The following WARS2 variants were observed in gnomAD, a reference collection of about 807,000 sequenced individuals.
The protein encoded by WARS2 is tryptophan--tRNA ligase, mitochondrial.
In WARS2, 28 loss-of-function variants were observed where a neutral mutation model predicts 36.5. The observed-to-expected ratio is 0.77, with a 90% CI of 0.57 to 1.05. The LOEUF (loss-of-function observed/expected upper bound fraction) is 1.05. Ranked by LOEUF, WARS2 falls within the 50% of genes least tolerant of loss-of-function variation. The probability of loss-of-function intolerance (pLI) is 0.00; values close to 1 mark genes in which losing one functional copy is unlikely to be tolerated. For synonymous variants in WARS2, 174 were observed against 178.4 expected, an observed-to-expected ratio of 0.98 and a Z score of 0.20; for missense variants, 435 against 456.8, an observed-to-expected ratio of 0.95 and a Z score of 0.44.
chr1:119,038,518 T>C (rs1648062418), intron 4 of WARS2, among the ~76,000 whole-genome samples: 1 of 152,240 alleles, frequency 6.6e-6, no homozygotes, highest in Admixed American at 6.5e-5. Context: ...TTAGACATTA[T>C]GATGACACCT....
intron 1 of WARS2, among the ~76,000 whole-genome samples, chr1:119,115,883 C>T (rs587642109): frequency 6.6e-6 from 1 of 152,292 alleles, no homozygotes; most frequent in African/African-American, 2.4e-5. Flanking sequence ...TATTTTTACT[C>T]TTCCACTATT....
chr1:119,062,167 G>A (rs777996292), intron 2 of WARS2, among the ~76,000 whole-genome samples: 1 of 152,158 alleles, frequency 6.6e-6, no homozygotes, highest in Non-Finnish European at 1.5e-5. Flanking sequence ...ACACCTATGA[G>A]TACACCTGGA....
At chr1:119,076,672 T>C in intron 1 of WARS2, 65 bp from the exon 2 acceptor site, 1 of 1,588,730 alleles carries the variant, frequency 6.3e-7, no homozygotes. Context: ...TATGCCCATG[T>C]TATCATAGCT....
At chr1:119,111,698 C>CA (rs1654646346) in intron 1 of WARS2, among the ~76,000 whole-genome samples, 1 of 152,150 alleles carries the variant, frequency 6.6e-6, no homozygotes, top group African/African-American at 2.4e-5. Flanking sequence ...TTTCAGCTGT[C>CA]AGAGTTTTCC....
chr1:119,071,990 C>A (rs1004423580), intron 2 of WARS2, among the ~76,000 whole-genome samples: 2 of 152,082 alleles, frequency 1.3e-5, no homozygotes, highest in African/African-American at 4.8e-5. Flanking sequence ...GAAAAAAAGA[C>A]TTTTTTTCTT....
intron 2 of WARS2, among the ~76,000 whole-genome samples, chr1:119,056,663 C>T (rs1457847300): frequency 6.6e-6 from 1 of 151,262 alleles, no homozygotes; most frequent in East Asian, 1.9e-4. Context: ...ATCTATACAC[C>T]AATCAAGATA....
At chr1:119,097,016 T>C (rs1011109428) in intron 1 of WARS2, among the ~76,000 whole-genome samples, 31 of 152,190 alleles carry the variant, frequency 2.0e-4, no homozygotes, top group African/African-American at 7.2e-4. Context: ...TTGCTGTTAC[T>C]ATCAAATAAT....
intron 2 of WARS2, among the ~76,000 whole-genome samples, chr1:119,074,487 T>C (rs1309203346): frequency 6.6e-6 from 1 of 152,230 alleles, no homozygotes; most frequent in Non-Finnish European, 1.5e-5. Context: ...TATTTTATAG[T>C]AACTGGATCT....
intron 1 of WARS2, among the ~76,000 whole-genome samples, chr1:119,118,042 T>C (rs1655088762): frequency 6.6e-6 from 1 of 152,030 alleles, no homozygotes; most frequent in Non-Finnish European, 1.5e-5. Context: ...CCACAAAAGA[T>C]CACAGTAGCT....
intron 1 of WARS2, among the ~76,000 whole-genome samples, chr1:119,125,489 A>G (rs1456197320): frequency 1.3e-5 from 2 of 152,244 alleles, no homozygotes. Flanking sequence ...TATCTACCAT[A>G]TAATAAGTAC....
At chr1:119,118,032 C>G (rs1371908465) in intron 1 of WARS2, among the ~76,000 whole-genome samples, 1 of 152,006 alleles carries the variant, frequency 6.6e-6, no homozygotes, top group African/African-American at 2.4e-5. Flanking sequence ...TCTATAACAC[C>G]CACAAAAGAT....
chr1:119,067,590 C>G (rs112459156), intron 2 of WARS2, among the ~76,000 whole-genome samples: 8 of 152,302 alleles, frequency 5.3e-5, no homozygotes, highest in South Asian at 2.1e-4. Flanking sequence ...TTATATAAAT[C>G]CTTCTCAATA....
At chr1:119,128,571 C>T (rs1655852496) in intron 1 of WARS2, among the ~76,000 whole-genome samples, 1 of 146,150 alleles carries the variant, frequency 6.8e-6, no homozygotes, top group East Asian at 2.0e-4. Flanking sequence ...CATTCCCCAC[C>T]ACCCACCCAC....
intron 2 of WARS2, among the ~76,000 whole-genome samples, chr1:119,074,869 C>T (rs1651607500): frequency 2.0e-5 from 3 of 152,044 alleles, no homozygotes; most frequent in Admixed American, 6.6e-5. Flanking sequence ...CAGGCCATTA[C>T]CCTAAGTGAA....
chr1:119,083,018 CA>C (rs200265195), intron 1 of WARS2, among the ~76,000 whole-genome samples: 2,811 of 152,224 alleles, frequency 0.018, 70 homozygotes, highest in African/African-American at 0.061. Context: ...CACTTGAGGT[CA>C]GGAGTTTGAG....
At chr1:119,053,293 A>T (rs1240058970) in intron 2 of WARS2, among the ~76,000 whole-genome samples, 1 of 152,248 alleles carries the variant, frequency 6.6e-6, no homozygotes, top group Non-Finnish European at 1.5e-5. Context: ...AGGAAGAGAT[A>T]GTAGCAATGG....
chr1:119,053,336 A>T (rs201743099), intron 2 of WARS2, among the ~76,000 whole-genome samples: 3 of 152,226 alleles, frequency 2.0e-5, no homozygotes, highest in Non-Finnish European at 4.4e-5. Context: ...CTGCCTGCAA[A>T]GTCTAACATG....
chr1:119,033,250 C>T lies in WARS2; in HGVS notation c.744G>A (p.Val248=), dbSNP rs763394894. The change falls in exon 6 of 6, where the codon GTG becomes GTA. Residue 248 remains valine (V), a synonymous_variant. Coordinates refer to ENST00000235521, the MANE Select transcript of WARS2 (RefSeq NM_015836.4). ...CTGTCACAGCCTTGCGGAATTTCTG[C>T]ACTATCTCCTCTGGGCTGTCTGTTA... ...VRITDSPEEI[V]QKFRKAVTDF... is the part of the protein sequence containing the mutation. 6.2e-7 allele frequency: 1 copy of T among 1,614,232 alleles called. No homozygotes were observed. The highest frequency in any genetic ancestry group is 1.1e-5 in the South Asian group (1 of 91,086).
chr1:119,094,881 G>GA (rs1441862605), intron 1 of WARS2, among the ~76,000 whole-genome samples: 8 of 148,580 alleles, frequency 5.4e-5, no homozygotes, highest in African/African-American at 2.0e-4. Flanking sequence ...ATAACTTTAG[G>GA]AAAAAAAAAG....
Sources: gnomAD v4.1 joint callset for allele counts (sites outside exome capture counted in the v4.1 genomes callset) on GRCh38, gnomAD v4.1.1 for gene constraint, MANE v1.5 for transcripts, NCBI Gene and HGNC (gene_info 2026-07-23, HGNC 2026-07-21) for gene names.